Variants in ZNF98 observed in about 807,000 individuals in gnomAD.
ZNF98 encodes zinc finger protein 98.
In ZNF98, 8 loss-of-function variants were observed where a neutral mutation model predicts 12.8. The observed-to-expected ratio is 0.63, with a 90% CI of 0.37 to 1.13. The LOEUF (loss-of-function observed/expected upper bound fraction) is 1.13. ZNF98 is among the 50% of genes most tolerant of loss of function. ZNF98 has a pLI of 0.01. For missense variants in ZNF98, 379 were observed against 666.1 expected (o/e 0.57, Z 4.74); for synonymous variants, 112 against 223.5 (o/e 0.50, Z 4.45).
chr19:22,394,603 G>A (rs570447628), intron 3 of ZNF98, among the ~76,000 whole-genome samples: 21 of 151,614 alleles, frequency 1.4e-4, no homozygotes, highest in East Asian at 9.8e-4. Context: ...ACCAAACACC[G>A]CATGTTCTCA....
At chr19:22,401,791 A>T (rs1377037707) in intron 3 of ZNF98, among the ~76,000 whole-genome samples, 2 of 151,800 alleles carry the variant, frequency 1.3e-5, no homozygotes, top group Non-Finnish European at 2.9e-5. Context: ...GGCTGAAAGA[A>T]TATTATTAAA....
At chr19:22,410,046 C>T (rs374747795) in intron 1 of ZNF98, among the ~76,000 whole-genome samples, 2 of 151,572 alleles carry the variant, frequency 1.3e-5, no homozygotes, top group East Asian at 1.9e-4. Context: ...ATCAAAACCA[C>T]AATGAGATAC....
intron 1 of ZNF98, among the ~76,000 whole-genome samples, chr19:22,406,061 A>C (rs1187258832): frequency 6.6e-6 from 1 of 152,160 alleles, no homozygotes; most frequent in Non-Finnish European, 1.5e-5. Context: ...TAAGGAATCC[A>C]AGCAGCCCAG....
intron 1 of ZNF98, among the ~76,000 whole-genome samples, chr19:22,407,654 G>A (rs773628914): frequency 2.6e-5 from 4 of 151,896 alleles, no homozygotes; most frequent in African/African-American, 9.7e-5. Flanking sequence ...GGAGGTTGCA[G>A]TGAGCCGAGA....
chr19:22,408,223 A>C (rs1969543669), intron 1 of ZNF98, among the ~76,000 whole-genome samples: 2 of 152,244 alleles, frequency 1.3e-5, no homozygotes, highest in Non-Finnish European at 2.9e-5. Context: ...GATGCAGAAA[A>C]GGCCTTTGAT....
intron 3 of ZNF98, among the ~76,000 whole-genome samples, chr19:22,398,217 G>C (rs2145110347): frequency 6.6e-6 from 1 of 152,276 alleles, no homozygotes; most frequent in Non-Finnish European, 1.5e-5. Flanking sequence ...GATTTTATGA[G>C]ATATACAAAG....
intron 1 of ZNF98, among the ~76,000 whole-genome samples, chr19:22,418,029 C>CT (rs1969664236): frequency 6.6e-6 from 1 of 152,076 alleles, no homozygotes; most frequent in Non-Finnish European, 1.5e-5. Flanking sequence ...TCTGTGGTAT[C>CT]TTTTTTCTTG....
chr19:22,415,354 G>GC (rs1195162188), intron 1 of ZNF98, among the ~76,000 whole-genome samples: 1 of 152,066 alleles, frequency 6.6e-6, no homozygotes, highest in Admixed American at 6.6e-5. Context: ...TCAAAATCGG[G>GC]CATATACCCA....
At chr19:22,409,020 C>T (rs1171603580) in intron 1 of ZNF98, among the ~76,000 whole-genome samples, 2 of 152,152 alleles carry the variant, frequency 1.3e-5, no homozygotes, top group East Asian at 1.9e-4. Context: ...AGAGGCATCA[C>T]ACTACCTGAC....
At chr19:22,420,825 A>G (rs1969695784) in intron 1 of ZNF98, among the ~76,000 whole-genome samples, 1 of 152,186 alleles carries the variant, frequency 6.6e-6, no homozygotes, top group Admixed American at 6.5e-5. Flanking sequence ...AAACATTATC[A>G]TAAGACCTTT....
chr19:22,409,869 G>A (rs1318154046), intron 1 of ZNF98, among the ~76,000 whole-genome samples: 9 of 139,498 alleles, frequency 6.5e-5, no homozygotes, highest in Non-Finnish European at 1.0e-4. Flanking sequence ...CAGAGATTGC[G>A]CCACTGCACT....
rs1273238291 is a variant in ZNF98, at chr19:22,391,405, G to T, written c.*111C>A. The T allele has an allele frequency of 4.0e-6, 6 of 1,484,052 alleles. No individual in the cohort carries two copies. Among genetic ancestry groups the T allele is most frequent in the Non-Finnish European group, 4.5e-6 (5 of 1,118,854 alleles). The allele number at this position is 1,484,052 out of a possible 1,614,324, so 91.9% of individuals were successfully genotyped here. On this transcript the variant is annotated 3_prime_UTR_variant, in exon 4 of 4. Coordinates refer to ENST00000357774, the MANE Select transcript of ZNF98 (RefSeq NM_001098626.2). ...CTGTGCAATAAGGTTTGAGCATTGT[G>T]TAAGTTTTGCCACACTGTTCACACT...
At chr19:22,400,299 A>G (rs1969441971) in intron 3 of ZNF98, among the ~76,000 whole-genome samples, 1 of 152,116 alleles carries the variant, frequency 6.6e-6, no homozygotes, top group Non-Finnish European at 1.5e-5. Flanking sequence ...AGTTCATGGC[A>G]AGTTCTGCCT....
intron 1 of ZNF98, among the ~76,000 whole-genome samples, chr19:22,418,797 G>A (rs552752795): frequency 6.6e-6 from 1 of 152,280 alleles, no homozygotes; most frequent in East Asian, 1.9e-4. Context: ...CAGGAGAATC[G>A]CTTGAACCCA....
intron 3 of ZNF98, among the ~76,000 whole-genome samples, chr19:22,396,461 A>G (rs1969395583): frequency 1.3e-5 from 2 of 152,144 alleles, no homozygotes; most frequent in South Asian, 4.1e-4. Context: ...AAAGAGAGAA[A>G]ATGAGAAACA....
At chr19:22,412,736 A>AT (rs1969593116) in intron 1 of ZNF98, among the ~76,000 whole-genome samples, 1 of 151,972 alleles carries the variant, frequency 6.6e-6, no homozygotes, top group South Asian at 2.1e-4. Context: ...AGTAGGGTTT[A>AT]TTTTTGGGAT....
intron 3 of ZNF98, among the ~76,000 whole-genome samples, chr19:22,397,532 T>A (rs200632464): frequency 0.024 from 3,051 of 128,008 alleles, no homozygotes; most frequent in African/African-American, 0.079. Context: ...GTCTTACCAG[T>A]TTTTTTAAAA....
chr19:22,395,112 C>T (rs145352642), intron 3 of ZNF98, among the ~76,000 whole-genome samples: 2,285 of 145,984 alleles, frequency 0.016, 70 homozygotes, highest in African/African-American at 0.055. Context: ...GTGGAGGCTG[C>T]AGTGGGCTGA....
chr19:22,401,760 C>A (rs1969460024), intron 3 of ZNF98, among the ~76,000 whole-genome samples: 1 of 151,702 alleles, frequency 6.6e-6, no homozygotes, highest in African/African-American at 2.4e-5. Context: ...GCAGGGATTA[C>A]AGGCGTGAGC....
Sources: allele counts gnomAD v4.1 joint callset (sites outside exome capture counted in the v4.1 genomes callset), GRCh38; gene constraint gnomAD v4.1.1; transcripts MANE v1.5; gene names NCBI Gene and HGNC (gene_info 2026-07-23, HGNC 2026-07-21).